Variants in FRMPD4 observed in about 807,000 individuals in gnomAD.
FRMPD4 encodes the protein FERM and PDZ domain containing 4.
In FRMPD4, 22 loss-of-function variants were observed where a neutral mutation model predicts 94.1. That is an observed-to-expected ratio of 0.23 (90% CI 0.17 to 0.33). The LOEUF (loss-of-function observed/expected upper bound fraction) is 0.33. Among genes scored for constraint, FRMPD4 ranks in the 10% least tolerant of loss-of-function variants. The pLI, the probability that FRMPD4 is intolerant of heterozygous loss-of-function variation, is 1.00. For synonymous variants in FRMPD4, 631 were observed against 548.6 expected (o/e 1.15, Z -2.10); for missense variants, 1,111 against 1,339.9 (o/e 0.83, Z 2.67).
intron 1 of FRMPD4, among the ~76,000 whole-genome samples, chrX:11,848,986 A>G (rs772846753): frequency 9.0e-6 from 1 of 111,612 alleles, no homozygotes; most frequent in African/African-American, 3.2e-5. Context: ...GGGATAAGGT[A>G]TATCCAAATT....
intron 1 of FRMPD4, among the ~76,000 whole-genome samples, chrX:12,323,827 A>G (rs1384297064): frequency 9.0e-6 from 1 of 111,381 alleles, no homozygotes; most frequent in Non-Finnish European, 1.9e-5. Flanking sequence ...TCCTATGTGT[A>G]TAAATCTGAG....
intron 3 of FRMPD4, among the ~76,000 whole-genome samples, chrX:11,960,005 T>C (rs2054276166): frequency 9.0e-6 from 1 of 110,975 alleles, no homozygotes; most frequent in African/African-American, 3.3e-5. Context: ...CATCACAAGA[T>C]GGATCCAAGA....
At chrX:12,025,781 C>A (rs2054657448) in intron 3 of FRMPD4, among the ~76,000 whole-genome samples, 1 of 111,643 alleles carries the variant, frequency 9.0e-6, no homozygotes, top group Non-Finnish European at 1.9e-5. Context: ...CTGCCAATGA[C>A]TACAGGAGTG....
At chrX:12,219,816 A>C (rs781143842) in intron 1 of FRMPD4, among the ~76,000 whole-genome samples, 3 of 112,144 alleles carry the variant, frequency 2.7e-5, no homozygotes, top group African/African-American at 9.7e-5. Context: ...TTAATATATA[A>C]GGCAAGTTAG....
chrX:12,714,820 A>G (rs911259146), intron 14 of FRMPD4, among the ~76,000 whole-genome samples: 2 of 111,668 alleles, frequency 1.8e-5, no homozygotes, highest in African/African-American at 3.3e-5. Flanking sequence ...ATAATGCTGA[A>G]CCCCCACAAG....
At chrX:11,978,368 A>AAGTCCATT (rs1379950111) in intron 3 of FRMPD4, among the ~76,000 whole-genome samples, 1 of 104,828 alleles carries the variant, frequency 9.5e-6, no homozygotes, top group East Asian at 3.1e-4. Flanking sequence ...GCTGAGGAGG[A>AAGTCCATT]AGTCCATTCA....
At chrX:12,059,606 G>A (rs927672332) in intron 3 of FRMPD4, among the ~76,000 whole-genome samples, 4 of 108,721 alleles carry the variant, frequency 3.7e-5, no homozygotes, top group African/African-American at 1.3e-4. Flanking sequence ...TTCAATCCTT[G>A]TCCCCCTTCC....
chrX:11,848,393 T>G (rs1256513719), intron 1 of FRMPD4, among the ~76,000 whole-genome samples: 1 of 111,854 alleles, frequency 8.9e-6, no homozygotes, highest in Non-Finnish European at 1.9e-5. Flanking sequence ...CAGCAAAGAT[T>G]GGTCAGAAAG....
At position 11,872,946 on chromosome X, in the gene FRMPD4, G is replaced by A. The variant is rs2053763012; in HGVS notation, c.-29-4949G>A. Among the ~76,000 whole-genome samples, 4 of 112,205 alleles carry A rather than the reference G, an allele frequency of 3.6e-5. No homozygotes were observed. In the South Asian group the frequency reaches 1.5e-3, roughly 41 times the overall value. On this transcript the variant is annotated intron_variant, in intron 2 of 18. Coordinates refer to the FRMPD4 transcript ENST00000640291. ...TGCATTGCTGGTTGAAATTTAATAT[G>A]GTGTAGCCACTGTGGAAAACAGTTT...
chrX:12,385,556 TTTATAA>T (rs1326312646), intron 1 of FRMPD4, among the ~76,000 whole-genome samples: 1 of 112,384 alleles, frequency 8.9e-6, no homozygotes, highest in Non-Finnish European at 1.9e-5. Context: ...TGGACTTGAA[TTTATAA>T]TAAAATCATT....
chrX:11,894,231 G>A lies in FRMPD4; in HGVS notation c.95+16213G>A, dbSNP rs759310020. ...TTTAGTATACATATTGTCTGGTTCC[G>A]CTGCTCTGGTTGAACCTTGACTGAG... On this transcript the variant is annotated intron_variant, in intron 3 of 18. Coordinates refer to the FRMPD4 transcript ENST00000640291. Among the ~76,000 whole-genome samples the A allele has an allele frequency of 6.3e-5, 7 of 111,807 alleles. No individual in the cohort carries two copies. In the East Asian group the frequency reaches 1.7e-3, roughly 27 times the overall value.
At chrX:12,506,786 T>C (rs977467789) in intron 2 of FRMPD4, among the ~76,000 whole-genome samples, 11 of 112,522 alleles carry the variant, frequency 9.8e-5, no homozygotes, top group African/African-American at 3.6e-4. Context: ...ACAGTAGAAA[T>C]GCTGCACACA....
intron 1 of FRMPD4, among the ~76,000 whole-genome samples, chrX:12,203,699 C>G (rs1165569147): frequency 8.9e-6 from 1 of 112,492 alleles, no homozygotes; most frequent in East Asian, 2.8e-4. Flanking sequence ...AAAGCACTTG[C>G]TTCTCAGAAG....
chrX:12,168,801 A>AT (rs1157620996), intron 1 of FRMPD4, among the ~76,000 whole-genome samples: 1 of 109,404 alleles, frequency 9.1e-6, no homozygotes, highest in Non-Finnish European at 1.9e-5. Context: ...AATTTTTTGT[A>AT]TTTTTAGTAG....
At chrX:12,608,792 A>G (rs1297602084) in intron 2 of FRMPD4, among the ~76,000 whole-genome samples, 1 of 112,619 alleles carries the variant, frequency 8.9e-6, no homozygotes, top group Non-Finnish European at 1.9e-5. Context: ...ATCAGTGAAT[A>G]AAACCAAGTT....
intron 1 of FRMPD4, among the ~76,000 whole-genome samples, chrX:12,264,022 G>A (rs2054235586): frequency 9.0e-6 from 1 of 111,280 alleles, no homozygotes; most frequent in Admixed American, 9.5e-5. Context: ...CAACACTGTT[G>A]CATTGGGGAT....
chrX:11,878,885 T>C (rs1403086251), intron 3 of FRMPD4, among the ~76,000 whole-genome samples: 1 of 112,100 alleles, frequency 8.9e-6, no homozygotes, highest in African/African-American at 3.2e-5. Flanking sequence ...ATACAAACAT[T>C]ATGTGCAGAC....
At chrX:12,023,836 ATCT>A (rs1190254382) in intron 3 of FRMPD4, among the ~76,000 whole-genome samples, 1 of 111,667 alleles carries the variant, frequency 9.0e-6, no homozygotes, top group Non-Finnish European at 1.9e-5. Flanking sequence ...TACAGTGATC[ATCT>A]TCTTTAGGTT....
intron 3 of FRMPD4, among the ~76,000 whole-genome samples, chrX:11,888,958 G>C (rs1354802969): frequency 8.9e-6 from 1 of 112,045 alleles, no homozygotes. Context: ...TATCTGCAAA[G>C]CACAATAAAG....
Sources: gnomAD v4.1 joint callset for allele counts (sites outside exome capture counted in the v4.1 genomes callset) on GRCh38, gnomAD v4.1.1 for gene constraint, MANE v1.5 for transcripts, NCBI Gene and HGNC (gene_info 2026-07-23, HGNC 2026-07-21) for gene names.